TENT4A: variants seen among roughly 807,000 people sequenced by gnomAD.
The protein encoded by TENT4A is DNA polymerase kappa.
TENT4A carries 7 observed loss-of-function variants against 72.8 expected under a neutral mutation model. The observed-to-expected ratio is 0.10, with a 90% CI of 0.05 to 0.18. The LOEUF (loss-of-function observed/expected upper bound fraction) is 0.18. Among genes scored for constraint, TENT4A ranks in the 10% least tolerant of loss-of-function variants. The pLI is 1.00. For synonymous variants in TENT4A, 456 were observed against 434.3 expected, an observed-to-expected ratio of 1.05 and a Z score of -0.62; for missense variants, 831 against 1,017.7, an observed-to-expected ratio of 0.82 and a Z score of 2.50.
intron 12 of TENT4A, among the ~76,000 whole-genome samples, chr5:6,754,148 G>A (rs895586133): frequency 3.9e-5 from 6 of 152,214 alleles, no homozygotes; most frequent in African/African-American, 1.2e-4. Context: ...ACAGCTGGGG[G>A]AAGAACATGA....
chr5:6,746,232 G>A lies in TENT4A; in HGVS notation c.1264G>A (p.Ala422Thr). Residue 422 changes from alanine to threonine, a missense_variant, in exon 7 of 13, where the codon GCC becomes ACC. Ala to Thr is a moderately conservative substitution (Grantham distance 58, BLOSUM62 0). Around this residue, in one of 3 missense-constraint regions of TENT4A, gnomAD observed 197 missense variants for 399.6 expected, o/e 0.49. Coordinates refer to ENST00000230859, the MANE Select transcript of TENT4A (RefSeq NM_006999.6). ...SFLQLHPRID[A>T]RRADENLGML... ...TTTACAGTTGCATCCAAGAATTGAT[G>A]CCCGGAGAGCTGATGAAAACCTTGG... 6.2e-7 allele frequency: 1 copy of A among 1,614,206 alleles called. No homozygotes were observed. The highest frequency in any genetic ancestry group is 8.5e-7 in the Non-Finnish European group (1 of 1,180,036).
chr5:6,718,935 G>A (rs1389488612), intron 1 of TENT4A, among the ~76,000 whole-genome samples: 1 of 151,914 alleles, frequency 6.6e-6, no homozygotes, highest in Non-Finnish European at 1.5e-5. Flanking sequence ...GTATTAAACT[G>A]GCTGGGAATG....
chr5:6,751,201 C>T lies in TENT4A; in HGVS notation c.2019+4C>T, dbSNP rs773822310. ...GATCATGACAACCAACAATCAGGTACGTGGCCCTCTGGCACCCTTCCCGCT... is the reference window on the plus strand; with the variant it reads ...GATCATGACAACCAACAATCAGGTATGTGGCCCTCTGGCACCCTTCCCGCT... On this transcript the variant is annotated splice_donor_region_variant and intron_variant, in intron 11 of 12. Transcript: ENST00000230859. 1.1e-5 allele frequency: 18 copies of T among 1,614,112 alleles called. No homozygotes were observed. Among genetic ancestry groups the T allele is most frequent in the South Asian group, 2.2e-5 (2 of 91,092 alleles).
intron 1 of TENT4A, among the ~76,000 whole-genome samples, chr5:6,732,447 G>A (rs937023144): frequency 1.3e-5 from 2 of 152,132 alleles, no homozygotes; most frequent in African/African-American, 4.8e-5. Flanking sequence ...TCAGTAAGTT[G>A]GGTCTCATAA....
intron 1 of TENT4A, among the ~76,000 whole-genome samples, chr5:6,715,623 A>G (rs891487061): frequency 1.3e-5 from 2 of 152,204 alleles, no homozygotes; most frequent in Non-Finnish European, 2.9e-5. Flanking sequence ...TTGCTGGGGT[A>G]TGAGGGTTGT....
chr5:6,739,693 C>A, intron 3 of TENT4A, 39 bp from the exon 4 acceptor site: 2 of 1,610,240 alleles, frequency 1.2e-6, no homozygotes, highest in Non-Finnish European at 1.7e-6. Context: ...TAGGCTGTGG[C>A]GAGGGGAGCA....
chr5:6,749,360 T>G (rs571695697), intron 8 of TENT4A, among the ~76,000 whole-genome samples, 197 bp from the exon 9 acceptor site: 1 of 152,358 alleles, frequency 6.6e-6, no homozygotes, highest in South Asian at 2.1e-4. Flanking sequence ...TGTAGGTAGA[T>G]GTACTGCGAT....
At chr5:6,750,639 G>C (rs1742351554) in intron 10 of TENT4A, 136 bp downstream of exon 10, 1 of 796,554 alleles carries the variant, frequency 1.3e-6, no homozygotes, top group Non-Finnish European at 1.9e-6. Context: ...AGGTGGGTGG[G>C]GGGCAGCCCC....
Position 6,714,238 on chromosome 5 carries a change from C to A in TENT4A, c.255C>A (p.Pro85=). 9.9e-7 allele frequency: 1 copy of A among 1,011,226 alleles called. No individual in the cohort carries two copies. Among genetic ancestry groups the A allele is most frequent in the South Asian group, 4.5e-5 (1 of 22,082 alleles). The allele number at this position is 1,011,226 out of a possible 1,614,324, so 62.6% of individuals were successfully genotyped here. A position where few individuals can be genotyped will look rare whatever the true frequency, so the allele number is the denominator to read the frequency against. Residue 85 remains proline, a synonymous_variant, in exon 1 of 13, where the codon CCC becomes CCA. Coordinates refer to ENST00000230859, the MANE Select transcript of TENT4A (RefSeq NM_006999.6). ...PPGPTAPAAL[P]PALLTALGPA... ...GCCCCACCGCGCCCGCCGCGCTGCC[C>A]CCCGCGCTGCTGACGGCGCTGGGGC...
In TENT4A at chr5:6,754,941, G is replaced by A. The variant is rs1364142323; in HGVS notation, c.2375G>A (p.Arg792Lys). 1 of 1,576,752 alleles carries A rather than the reference G, an allele frequency of 6.3e-7. No individual in the cohort carries two copies. The part of the protein sequence containing the change: ...TRDSLPVSLS[R>K] ...GACAGTCTGCCCGTGAGCCTCAGCA[G>A]ATAATGGCTCCTGGCTGCGTCAGCC... Residue 792 changes from arginine to lysine, a missense_variant, in exon 13 of 13, where the codon AGA becomes AAA. By Grantham distance (26) the Arg-to-Lys change is conservative. Transcript: ENST00000230859.
intron 5 of TENT4A, 39 bp downstream of exon 5, chr5:6,742,636 A>C: frequency 8.3e-7 from 1 of 1,202,592 alleles, no homozygotes; most frequent in Non-Finnish European, 1.2e-6. Flanking sequence ...AGAGTGCAGG[A>C]CTGGAGTGCT....
chr5:6,749,259 G>A (rs529554837), intron 8 of TENT4A, among the ~76,000 whole-genome samples: 1 of 152,172 alleles, frequency 6.6e-6, no homozygotes, highest in Non-Finnish European at 1.5e-5. Context: ...TCTCGTCCGT[G>A]CAGTGGGAAG....
At chr5:6,729,049 G>A (rs1196858376) in intron 1 of TENT4A, among the ~76,000 whole-genome samples, 1 of 152,132 alleles carries the variant, frequency 6.6e-6, no homozygotes, top group Non-Finnish European at 1.5e-5. Context: ...ATAGATAGAT[G>A]TACACAATTT....
chr5:6,732,974 C>T (rs561202442), intron 1 of TENT4A, among the ~76,000 whole-genome samples: 2 of 152,328 alleles, frequency 1.3e-5, no homozygotes, highest in South Asian at 2.1e-4. Flanking sequence ...GAATCTAAGA[C>T]GAGGCTAGAA....
chr5:6,736,741 C>T (rs1579474686), intron 1 of TENT4A, among the ~76,000 whole-genome samples: 1 of 152,178 alleles, frequency 6.6e-6, no homozygotes, highest in African/African-American at 2.4e-5. Context: ...CGGCGTGAGG[C>T]GTCTTCCAGG....
At chr5:6,724,035 C>T (rs986961837) in intron 1 of TENT4A, among the ~76,000 whole-genome samples, 2 of 152,254 alleles carry the variant, frequency 1.3e-5, no homozygotes, top group Non-Finnish European at 2.9e-5. Context: ...GTCAGCACTG[C>T]TGCACTGGGG....
chr5:6,753,176 T>A, intron 12 of TENT4A, 139 bp downstream of exon 12: 1 of 824,018 alleles, frequency 1.2e-6, no homozygotes, highest in South Asian at 2.5e-5. Flanking sequence ...TCAGCCTGTT[T>A]GCTTGTCTTT....
At chr5:6,750,803 A>C (rs1742360626) in intron 10 of TENT4A, 2 of 542,896 alleles carry the variant, frequency 3.7e-6, no homozygotes, top group East Asian at 3.0e-5. Flanking sequence ...AAGATTAAAA[A>C]AAAAATTAAA....
At chr5:6,720,858 A>T (rs1454579285) in intron 1 of TENT4A, among the ~76,000 whole-genome samples, 1 of 151,836 alleles carries the variant, frequency 6.6e-6, no homozygotes, top group Non-Finnish European at 1.5e-5. Flanking sequence ...CCCAAGAGTC[A>T]CCTCTGGAAC....
Sources: allele counts gnomAD v4.1 joint callset (sites outside exome capture counted in the v4.1 genomes callset), GRCh38; gene constraint gnomAD v4.1.1; regional missense constraint gnomAD v4.1.1; transcripts MANE v1.5; gene names NCBI Gene and HGNC (gene_info 2026-07-23, HGNC 2026-07-21).